Variants in STRBP observed in about 807,000 individuals in gnomAD.
STRBP encodes spermatid perinuclear RNA-binding protein.
In STRBP, 13 loss-of-function variants were observed where a neutral mutation model predicts 80.1. The observed-to-expected ratio is 0.16, with a 90% CI of 0.11 to 0.26. The LOEUF (loss-of-function observed/expected upper bound fraction) is 0.26, where lower values mean the gene tolerates loss of function less well. Ranked by LOEUF, STRBP falls within the 10% of genes least tolerant of loss-of-function variation. STRBP has a pLI of 1.00. For synonymous variants in STRBP, 284 were observed against 291.2 expected (o/e 0.98, Z 0.25); for missense variants, 485 against 815.2 (o/e 0.59, Z 4.93).
intron 13 of STRBP, among the ~76,000 whole-genome samples, chr9:123,145,284 T>C (rs1313770652): frequency 1.3e-5 from 2 of 152,104 alleles, no homozygotes; most frequent in Non-Finnish European, 2.9e-5. Flanking sequence ...AAACATAATA[T>C]TGGGAATTGA....
At chr9:123,197,285 A>T (rs2039127322) in intron 2 of STRBP, among the ~76,000 whole-genome samples, 2 of 152,250 alleles carry the variant, frequency 1.3e-5, no homozygotes, top group Admixed American at 1.3e-4. Context: ...TACAAAAAAC[A>T]TAGTTAAATA....
At chr9:123,182,001 G>A (rs2038486234) in intron 3 of STRBP, among the ~76,000 whole-genome samples, 1 of 151,238 alleles carries the variant, frequency 6.6e-6, no homozygotes, top group African/African-American at 2.4e-5. Context: ...GATCATCAGA[G>A]GTCAGGAGTT....
chr9:123,163,928 C>T (rs1209707431), intron 6 of STRBP, among the ~76,000 whole-genome samples: 1 of 152,170 alleles, frequency 6.6e-6, no homozygotes, highest in Non-Finnish European at 1.5e-5. Flanking sequence ...TGAGCCATTT[C>T]ATTATCTCCT....
At chr9:123,228,133 C>A (rs1390136244) in intron 2 of STRBP, among the ~76,000 whole-genome samples, 1 of 152,122 alleles carries the variant, frequency 6.6e-6, no homozygotes, top group Non-Finnish European at 1.5e-5. Context: ...GCCTAAACAA[C>A]CGGAGGATGG....
chr9:123,231,170 A>G (rs2040388432), intron 2 of STRBP, among the ~76,000 whole-genome samples: 3 of 152,146 alleles, frequency 2.0e-5, no homozygotes. Flanking sequence ...TTAACTCTAC[A>G]GAGATTTTAA....
At chr9:123,130,775 G>C (rs772015666) in intron 17 of STRBP, among the ~76,000 whole-genome samples, 2 of 152,016 alleles carry the variant, frequency 1.3e-5, no homozygotes, top group African/African-American at 2.4e-5. Flanking sequence ...TTCCCCCAAT[G>C]CTCCAGCTAA....
chr9:123,259,868 T>C lies in STRBP; in HGVS notation c.-302+8568A>G, dbSNP rs568586095. On this transcript the variant is annotated intron_variant, in intron 1 of 18. Coordinates refer to ENST00000348403, the MANE Select transcript of STRBP (RefSeq NM_018387.5). Reference sequence around the variant, plus strand: ...ATCCTAGAAACCAAAGCAGAAAGTGTTTCACAAAAGGAAGCACCTATTTGT... The same window carrying C: ...ATCCTAGAAACCAAAGCAGAAAGTGCTTCACAAAAGGAAGCACCTATTTGT... 5.9e-5 allele frequency among the ~76,000 whole-genome samples: 9 copies of C among 152,290 alleles called. No homozygotes were observed. The East Asian group carries it at 1.7e-3, about 29-fold the overall frequency.
intron 11 of STRBP, among the ~76,000 whole-genome samples, chr9:123,154,637 T>C (rs998426781): frequency 1.3e-5 from 2 of 152,154 alleles, no homozygotes; most frequent in African/African-American, 4.8e-5. Context: ...AAAATAAATA[T>C]GGGAGAGAAA....
At chr9:123,148,360 C>G (rs2036909704) in intron 11 of STRBP, among the ~76,000 whole-genome samples, 2 of 152,158 alleles carry the variant, frequency 1.3e-5, no homozygotes, top group African/African-American at 4.8e-5. Flanking sequence ...TCTGCTGAAG[C>G]CTTGATTTTG....
intron 1 of STRBP, among the ~76,000 whole-genome samples, chr9:123,267,651 C>T (rs1002552745): frequency 6.6e-6 from 1 of 151,718 alleles, no homozygotes; most frequent in African/African-American, 2.4e-5. Flanking sequence ...TCAGGCGCTC[C>T]CTGCCTGCCC....
In STRBP at chr9:123,122,174, A is replaced by G. The variant is rs2035754543; in HGVS notation, c.*3423T>C. On this transcript the variant is annotated 3_prime_UTR_variant, in exon 19 of 19. Transcript: ENST00000348403. ...TAATTGACTATTTTTCTCTTTAATC[A>G]GAAAATAAAAGAGCTTACCTTTGTA... 2.4e-6 allele frequency: 1 copy of G among 419,220 alleles called. No homozygotes were observed. Among genetic ancestry groups the G allele is most frequent in the Admixed American group, 4.6e-5 (1 of 21,528 alleles). 26.0% of individuals were successfully genotyped at this position (419,220 alleles called of 1,614,324 possible).
At chr9:123,264,720 A>G (rs2041232264) in intron 1 of STRBP, among the ~76,000 whole-genome samples, 1 of 152,228 alleles carries the variant, frequency 6.6e-6, no homozygotes, top group African/African-American at 2.4e-5. Flanking sequence ...CAAAGCCTAA[A>G]TAACCTGCTT....
At chr9:123,148,915 T>C (rs700094) in intron 11 of STRBP, among the ~76,000 whole-genome samples, 147,411 of 152,274 alleles carry the variant, frequency 0.97, 71,529 homozygotes, top group East Asian at 1. Flanking sequence ...ACTAACTGAA[T>C]TGATTAATAA....
chr9:123,249,364 G>C (rs997087008), intron 1 of STRBP, among the ~76,000 whole-genome samples: 1 of 152,146 alleles, frequency 6.6e-6, no homozygotes, highest in African/African-American at 2.4e-5. Context: ...GGGCAACAGA[G>C]TGAGACCCTG....
chr9:123,176,137 TA>T (rs1480860655), intron 4 of STRBP, among the ~76,000 whole-genome samples: 1 of 152,232 alleles, frequency 6.6e-6, no homozygotes, highest in East Asian at 1.9e-4. Flanking sequence ...AACAGCTCAA[TA>T]AACAACAGTT....
At chr9:123,221,691 G>T (rs186754628) in intron 2 of STRBP, among the ~76,000 whole-genome samples, 6 of 152,264 alleles carry the variant, frequency 3.9e-5, no homozygotes, top group Admixed American at 3.9e-4. Context: ...GGGTTTTAAA[G>T]AACGCTCCAC....
chr9:123,228,073 T>C (rs902367664), intron 2 of STRBP, among the ~76,000 whole-genome samples: 2 of 152,072 alleles, frequency 1.3e-5, no homozygotes, highest in African/African-American at 4.8e-5. Flanking sequence ...TCCTAGCAGA[T>C]TGGATGTGGG....
intron 2 of STRBP, among the ~76,000 whole-genome samples, chr9:123,222,833 A>G (rs2040108682): frequency 6.6e-6 from 1 of 152,200 alleles, no homozygotes; most frequent in Non-Finnish European, 1.5e-5. Context: ...CTTTTACAAT[A>G]TGATCCAAAA....
intron 2 of STRBP, among the ~76,000 whole-genome samples, chr9:123,211,184 T>C (rs984647098): frequency 6.6e-6 from 1 of 152,238 alleles, no homozygotes; most frequent in Non-Finnish European, 1.5e-5. Context: ...TACATTAAGA[T>C]AATAGATTAT....
Sources: gnomAD v4.1 joint callset for allele counts (sites outside exome capture counted in the v4.1 genomes callset) on GRCh38, gnomAD v4.1.1 for gene constraint, MANE v1.5 for transcripts, NCBI Gene and HGNC (gene_info 2026-07-23, HGNC 2026-07-21) for gene names.